Variants in COMMD1 observed in about 807,000 individuals in gnomAD.
COMMD1 encodes copper metabolism domain containing 1.
COMMD1 carries 10 observed loss-of-function variants against 17.2 expected under a neutral mutation model. That is an observed-to-expected ratio of 0.58 (90% CI 0.36 to 0.99). The LOEUF (loss-of-function observed/expected upper bound fraction) is 0.99, where lower values mean the gene tolerates loss of function less well. Ranked by LOEUF, COMMD1 falls within the 50% of genes least tolerant of loss-of-function variation. COMMD1 has a pLI of 0.01. For synonymous variants in COMMD1, 97 were observed against 91.6 expected (o/e 1.06, Z -0.34); for missense variants, 270 against 231.8 (o/e 1.17, Z -1.07).
chr2:62,076,544 C>T (rs970678835), intron 2 of COMMD1, among the ~76,000 whole-genome samples: 9 of 152,002 alleles, frequency 5.9e-5, no homozygotes, highest in African/African-American at 1.5e-4. Context: ...CCCTGGAGTT[C>T]GAGACCAGCC....
chr2:62,076,896 C>G (rs961527470), intron 2 of COMMD1, among the ~76,000 whole-genome samples: 15 of 152,126 alleles, frequency 9.9e-5, no homozygotes, highest in Non-Finnish European at 1.5e-5. Context: ...CTTTGGGAGG[C>G]CAAGGCGGGA....
At chr2:61,996,475 C>A (rs1235589613) in intron 1 of COMMD1, among the ~76,000 whole-genome samples, 1 of 152,016 alleles carries the variant, frequency 6.6e-6, no homozygotes, top group African/African-American at 2.4e-5. Context: ...GAGATTGTTG[C>A]ATCCGTGGAC....
intron 1 of COMMD1, among the ~76,000 whole-genome samples, chr2:61,907,693 T>C (rs1669807207): frequency 6.6e-6 from 1 of 152,086 alleles, no homozygotes; most frequent in Admixed American, 6.6e-5. Flanking sequence ...AACTCTCTTA[T>C]TTTATTTTTA....
rs576670292 is a variant in COMMD1 at position 62,122,006 on chromosome 2, G to T, written c.463-13825G>T. 4.6e-5 allele frequency among the ~76,000 whole-genome samples: 7 copies of T among 152,210 alleles called. No homozygotes were observed. In the South Asian group the frequency reaches 1.5e-3, roughly 32 times the overall value. The stretch of plus-strand genomic sequence containing the variant: ...CGGGGTTGCCATGTTGCCCAGGCTG[G>T]TCTCAAACTCCTGGGCTCAAGTGAT... On this transcript the variant is annotated intron_variant, in intron 2 of 2. Coordinates refer to ENST00000311832, the MANE Select transcript of COMMD1 (RefSeq NM_152516.4).
intron 1 of COMMD1, among the ~76,000 whole-genome samples, chr2:61,931,109 C>T (rs548279803): frequency 6.6e-6 from 1 of 151,710 alleles, no homozygotes; most frequent in Non-Finnish European, 1.5e-5. Context: ...GTTAGGAGTT[C>T]GAGACCAGCC....
At chr2:62,087,533 G>A (rs930789182) in intron 2 of COMMD1, among the ~76,000 whole-genome samples, 2 of 152,206 alleles carry the variant, frequency 1.3e-5, no homozygotes, top group African/African-American at 4.8e-5. Context: ...ATCACCTGAG[G>A]TCAGGAGTTT....
At chr2:62,068,229 A>C (rs1275655551) in intron 2 of COMMD1, among the ~76,000 whole-genome samples, 1 of 152,242 alleles carries the variant, frequency 6.6e-6, no homozygotes, top group Non-Finnish European at 1.5e-5. Context: ...GGACAATTAG[A>C]CATCTGTATG....
intron 2 of COMMD1, among the ~76,000 whole-genome samples, chr2:62,107,394 C>CT (rs1672347443): frequency 6.6e-6 from 1 of 151,772 alleles, no homozygotes; most frequent in African/African-American, 2.4e-5. Context: ...AAAAATGACT[C>CT]TGAGGTTGAA....
rs561877265 is a variant in COMMD1 at position 61,989,826 on chromosome 2, C to T, written c.181-10875C>T. ...TTCCCTTCAACATGTGTTTGTAGAG[C>T]GCCTACTGTGTTCCAGTTTTGCAGA... On this transcript the variant is annotated intron_variant, in intron 1 of 2. Coordinates refer to ENST00000311832, the MANE Select transcript of COMMD1 (RefSeq NM_152516.4). Among the ~76,000 whole-genome samples, 23 of 152,192 alleles carry T rather than the reference C, an allele frequency of 1.5e-4. 1 individual carries two copies. Among genetic ancestry groups the T allele is most frequent in the African/African-American group, 4.3e-4 (18 of 41,544 alleles).
chr2:62,018,468 A>G (rs1446208322), intron 2 of COMMD1, among the ~76,000 whole-genome samples: 1 of 152,250 alleles, frequency 6.6e-6, no homozygotes, highest in Non-Finnish European at 1.5e-5. Context: ...AATCCAAGCT[A>G]CCACTAAATT....
intron 1 of COMMD1, among the ~76,000 whole-genome samples, chr2:61,963,064 G>A (rs1266251445): frequency 6.6e-6 from 1 of 151,494 alleles, no homozygotes; most frequent in Non-Finnish European, 1.5e-5. Context: ...GGAGGCTGAG[G>A]CAGGAGAATC....
intron 2 of COMMD1, among the ~76,000 whole-genome samples, chr2:62,048,185 T>C (rs1558576770): frequency 6.8e-6 from 1 of 147,830 alleles, no homozygotes; most frequent in Non-Finnish European, 1.5e-5. Context: ...TAAATTTCTT[T>C]TTTTTTTTTT....
chr2:62,076,626 A>G (rs1236853580), intron 2 of COMMD1, among the ~76,000 whole-genome samples: 1 of 152,146 alleles, frequency 6.6e-6, no homozygotes, highest in Admixed American at 6.5e-5. Flanking sequence ...GGGCACCTGT[A>G]ATCCTAGCTA....
intron 1 of COMMD1, among the ~76,000 whole-genome samples, chr2:61,938,665 T>C (rs1270895545): frequency 1.3e-5 from 2 of 152,162 alleles, no homozygotes; most frequent in Non-Finnish European, 2.9e-5. Flanking sequence ...TCAGATTCTT[T>C]CTTGTGGAGA....
chr2:62,035,134 G>A (rs749604171), intron 2 of COMMD1, among the ~76,000 whole-genome samples: 5 of 152,148 alleles, frequency 3.3e-5, no homozygotes, highest in Non-Finnish European at 5.9e-5. Flanking sequence ...TGCAGCACAG[G>A]GCCTTGGATA....
rs567900784 is a variant in COMMD1, at chr2:62,009,989, T to TA, written c.462+9008dup. Reference sequence around the variant, plus strand: ...CAGAAGTATTCAGTTATTCATAACTTACCAGTTGAAAAGTAGAAATTTTTG... The same window carrying TA: ...CAGAAGTATTCAGTTATTCATAACTTAACCAGTTGAAAAGTAGAAATTTTTG... On this transcript the variant is annotated intron_variant, in intron 2 of 2. Coordinates refer to ENST00000311832, the MANE Select transcript of COMMD1 (RefSeq NM_152516.4). 7.6e-4 allele frequency among the ~76,000 whole-genome samples: 116 copies of TA among 152,302 alleles called. 1 individual carries two copies. The highest frequency in any genetic ancestry group is 2.7e-3 in the African/African-American group (113 of 41,582).
chr2:62,070,181 A>T (rs912281449), intron 2 of COMMD1: 1 of 152,184 alleles, frequency 6.6e-6, no homozygotes, highest in East Asian at 1.9e-4. Context: ...GGAAAGTACT[A>T]TACATTTGAC....
At chr2:62,017,408 C>T (rs1447770233) in intron 2 of COMMD1, among the ~76,000 whole-genome samples, 1 of 152,186 alleles carries the variant, frequency 6.6e-6, no homozygotes, top group Non-Finnish European at 1.5e-5. Flanking sequence ...TGGCTCATGC[C>T]TCTTATGCTA....
intron 2 of COMMD1, among the ~76,000 whole-genome samples, chr2:62,084,206 C>A (rs959825663): frequency 1.3e-5 from 2 of 152,058 alleles, no homozygotes; most frequent in African/African-American, 4.8e-5. Context: ...TAAGGGACAC[C>A]AACTCCCCCA....
Sources: allele counts gnomAD v4.1 joint callset (sites outside exome capture counted in the v4.1 genomes callset), GRCh38; gene constraint gnomAD v4.1.1; transcripts MANE v1.5; gene names NCBI Gene and HGNC (gene_info 2026-07-23, HGNC 2026-07-21).